Variants in NAALAD2 observed in about 807,000 individuals in gnomAD.
NAALAD2 encodes the protein N-acetylated-alpha-linked acidic dipeptidase 2.
A neutral mutation model predicts 95.6 loss-of-function variants in NAALAD2; 89 were observed. That is an observed-to-expected ratio of 0.93 (90% CI 0.78 to 1.11). NAALAD2 has a LOEUF of 1.11. Among genes scored for constraint, NAALAD2 ranks in the 50% least tolerant of loss-of-function variants. NAALAD2 has a pLI of 0.00. For synonymous variants in NAALAD2, 264 were observed against 294.4 expected (o/e 0.90, Z 1.06); for missense variants, 894 against 872.4 (o/e 1.02, Z -0.31).
At chr11:90,143,558 C>A (rs1302856202) in intron 2 of NAALAD2, among the ~76,000 whole-genome samples, 1 of 152,040 alleles carries the variant, frequency 6.6e-6, no homozygotes, top group African/African-American at 2.4e-5. Flanking sequence ...GCTCTCTGAG[C>A]TTCTTGACAA....
At position 90,176,072 on chromosome 11, in the gene NAALAD2, T is replaced by G. The variant is rs756893197; in HGVS notation, c.1593+10T>G. On this transcript the variant is annotated intron_variant, in intron 15 of 18. Transcript: ENST00000534061. ...TTACACTAAGAATAAGGTAAGCCAT[T>G]TTATCATTTTGAATATATAACATTT... 1.7e-5 allele frequency: 27 copies of G among 1,601,114 alleles called. No homozygotes were observed. The highest frequency in any genetic ancestry group is 1.7e-4 in the Middle Eastern group (1 of 6,052).
At chr11:90,165,012 T>G (rs1007082947) in intron 11 of NAALAD2, among the ~76,000 whole-genome samples, 4 of 152,146 alleles carry the variant, frequency 2.6e-5, no homozygotes, top group African/African-American at 9.7e-5. Flanking sequence ...GTTGTTCCCC[T>G]CTATGTGTCC....
chr11:90,152,443 A>G lies in NAALAD2; in HGVS notation c.755A>G (p.Asn252Ser), dbSNP rs950711606. ...CAGAGAGGAAATGTGTTAAATTTGA[A>G]TGGTGCTGGTGACCCACTCACTCCA... Reference protein sequence around the residue: ...AAQRGNVLNLNGAGDPLTPGY... With the variant: ...AAQRGNVLNLSGAGDPLTPGY... The change falls in exon 6 of 19, where the codon AAT becomes AGT. Residue 252 changes from asparagine (N) to serine (S), a missense_variant. By Grantham distance (46) the Asn-to-Ser change is conservative. Transcript: ENST00000534061. The G allele has an allele frequency of 1.9e-6, 3 of 1,613,648 alleles. No homozygotes were observed. Among genetic ancestry groups the G allele is most frequent in the East Asian group, 4.5e-5 (2 of 44,884 alleles).
chr11:90,177,313 C>CT (rs200479754), intron 15 of NAALAD2, among the ~76,000 whole-genome samples: 3,794 of 140,806 alleles, frequency 0.027, 138 homozygotes, highest in African/African-American at 0.086. Context: ...TGCCCAGAAC[C>CT]TTTTTTTTTT....
intron 11 of NAALAD2, among the ~76,000 whole-genome samples, chr11:90,166,967 T>C (rs1490944550): frequency 3.9e-5 from 6 of 151,976 alleles, no homozygotes; most frequent in Non-Finnish European, 8.8e-5. Context: ...CTGGCCAACA[T>C]GGTGAAACCC....
chr11:90,183,164 A>G (rs2134986310), intron 18 of NAALAD2, among the ~76,000 whole-genome samples, 156 bp downstream of exon 18: 1 of 152,340 alleles, frequency 6.6e-6, no homozygotes, highest in East Asian at 1.9e-4. Context: ...TATAATACAT[A>G]TTAGAAAAAT....
intron 2 of NAALAD2, among the ~76,000 whole-genome samples, chr11:90,142,157 A>G (rs1436528798): frequency 6.6e-6 from 1 of 152,134 alleles, no homozygotes; most frequent in Non-Finnish European, 1.5e-5. Flanking sequence ...ATCAATTAAT[A>G]TGATCATATG....
rs145976116 is a variant in NAALAD2 at position 90,163,759 on chromosome 11, G to C, written c.1278+142G>C. On this transcript the variant is annotated intron_variant, in intron 11 of 18. Coordinates refer to ENST00000534061, the MANE Select transcript of NAALAD2 (RefSeq NM_005467.4). The stretch of plus-strand genomic sequence containing the variant: ...ATGACTCAAGACAATTTAAGAAATA[G>C]TTTATTTTTACTTTCACATCAGTTT... The C allele has an allele frequency of 3.6e-6, 3 of 843,810 alleles. No homozygotes were observed. In the East Asian group the frequency reaches 8.0e-5, roughly 22 times the overall value. The allele number at this position is 843,810 out of a possible 1,614,324, so 52.3% of individuals were successfully genotyped here.
At chr11:90,189,294 G>C (rs1410775182) in intron 18 of NAALAD2, among the ~76,000 whole-genome samples, 1 of 152,138 alleles carries the variant, frequency 6.6e-6, no homozygotes, top group East Asian at 1.9e-4. Context: ...CAGACCAACT[G>C]TAAGATAATA....
chr11:90,147,630 A>G, intron 3 of NAALAD2, 114 bp downstream of exon 3: 2 of 953,852 alleles, frequency 2.1e-6, no homozygotes, highest in South Asian at 1.8e-5. Context: ...TTCAGTATCC[A>G]CTATGTGTTC....
intron 11 of NAALAD2, 137 bp downstream of exon 11, chr11:90,163,754 A>G: frequency 2.3e-6 from 2 of 863,574 alleles, no homozygotes; most frequent in South Asian, 3.0e-5. Flanking sequence ...ACAATTTAAG[A>G]AATAGTTTAT....
intron 13 of NAALAD2, among the ~76,000 whole-genome samples, chr11:90,170,620 A>T (rs1952605084): frequency 6.6e-6 from 1 of 152,228 alleles, no homozygotes; most frequent in Non-Finnish European, 1.5e-5. Context: ...GAGGAATTAG[A>T]ATTCACTAGA....
chr11:90,184,531 G>A (rs647248), intron 18 of NAALAD2, among the ~76,000 whole-genome samples: 94,744 of 151,964 alleles, frequency 0.62, 31,150 homozygotes, highest in African/African-American at 0.84. Context: ...GCCGAAAGCC[G>A]TATCTACAGT....
intron 5 of NAALAD2, among the ~76,000 whole-genome samples, chr11:90,151,231 C>T (rs1490024270): frequency 2.0e-5 from 3 of 152,086 alleles, no homozygotes; most frequent in Non-Finnish European, 4.4e-5. Flanking sequence ...ATATAAAATG[C>T]GAATGACGAG....
At chr11:90,182,691 T>C (rs1953008602) in intron 17 of NAALAD2, among the ~76,000 whole-genome samples, 1 of 152,110 alleles carries the variant, frequency 6.6e-6, no homozygotes, top group Admixed American at 6.6e-5. Context: ...TAAAAAAATA[T>C]AACAAACGAT....
chr11:90,138,278 A>T (rs1951501310), intron 2 of NAALAD2, among the ~76,000 whole-genome samples: 1 of 152,040 alleles, frequency 6.6e-6, no homozygotes, highest in South Asian at 2.1e-4. Context: ...GAGTAGGCTG[A>T]GGAGGAGGAG....
chr11:90,164,723 T>G lies in NAALAD2; in HGVS notation c.1278+1106T>G, dbSNP rs563134602. ...TCCCTTCTCTCTTCATCTTTACCCC[T>G]CCCTTAACTTCACCTGGTTTTTCAC... On this transcript the variant is annotated intron_variant, in intron 11 of 18. Transcript: ENST00000534061. Among the ~76,000 whole-genome samples the G allele has an allele frequency of 3.9e-5, 6 of 152,254 alleles. No homozygotes were observed. The South Asian group carries it at 1.2e-3, about 32-fold the overall frequency.
intron 11 of NAALAD2, among the ~76,000 whole-genome samples, chr11:90,166,663 A>ATG (rs1952458774): frequency 6.6e-6 from 1 of 151,636 alleles, no homozygotes; most frequent in South Asian, 2.1e-4. Flanking sequence ...GTGAAACCCC[A>ATG]CCTCTACTAA....
chr11:90,171,315 C>T (rs1362935114), intron 13 of NAALAD2, among the ~76,000 whole-genome samples: 3 of 152,166 alleles, frequency 2.0e-5, no homozygotes, highest in East Asian at 3.8e-4. Context: ...TCTTACCCCT[C>T]TCTTTTTCAT....
Sources: allele counts gnomAD v4.1 joint callset (sites outside exome capture counted in the v4.1 genomes callset), GRCh38; gene constraint gnomAD v4.1.1; transcripts MANE v1.5; gene names NCBI Gene and HGNC (gene_info 2026-07-23, HGNC 2026-07-21).